KCNJ6: variants seen among roughly 807,000 people sequenced by gnomAD.
KCNJ6 encodes the protein potassium inwardly rectifying channel subfamily J member 6.
A neutral mutation model predicts 34.2 loss-of-function variants in KCNJ6; 9 were observed. The observed-to-expected ratio is 0.26, with a 90% CI of 0.16 to 0.46. The LOEUF (loss-of-function observed/expected upper bound fraction) is 0.46, where lower values mean the gene tolerates loss of function less well. KCNJ6 is among the 20% of genes least tolerant of loss of function. The pLI is 1.00. For missense variants in KCNJ6, 236 were observed against 531.3 expected (o/e 0.44, Z 5.46); for synonymous variants, 196 against 207.1 (o/e 0.95, Z 0.46).
intron 3 of KCNJ6, among the ~76,000 whole-genome samples, chr21:37,641,805 A>C (rs995257146): frequency 1.3e-5 from 2 of 152,234 alleles, no homozygotes; most frequent in Non-Finnish European, 2.9e-5. Context: ...TGGGGGAAAT[A>C]GAAAGCTGCT....
chr21:37,832,088 A>C (rs767718824), intron 2 of KCNJ6, among the ~76,000 whole-genome samples: 4 of 152,094 alleles, frequency 2.6e-5, no homozygotes, highest in Non-Finnish European at 5.9e-5. Context: ...TGCAGAGCTC[A>C]TTAGACAATA....
At chr21:37,698,443 C>T (rs1305933181) in intron 3 of KCNJ6, among the ~76,000 whole-genome samples, 3 of 152,172 alleles carry the variant, frequency 2.0e-5, no homozygotes, top group Non-Finnish European at 2.9e-5. Context: ...CCCTCCTCAT[C>T]GAAAATGTTT....
chr21:37,804,664 C>T (rs998538679), intron 2 of KCNJ6, among the ~76,000 whole-genome samples: 1 of 152,156 alleles, frequency 6.6e-6, no homozygotes, highest in Non-Finnish European at 1.5e-5. Context: ...TAAGTGAGAA[C>T]ATGCGGTATT....
chr21:37,884,844 G>A (rs1175233374), intron 1 of KCNJ6, among the ~76,000 whole-genome samples: 1 of 152,140 alleles, frequency 6.6e-6, no homozygotes, highest in African/African-American at 2.4e-5. Flanking sequence ...AATAATGTGC[G>A]TCTCACTTCT....
chr21:37,651,641 C>T (rs1489480348), intron 3 of KCNJ6, among the ~76,000 whole-genome samples: 2 of 152,184 alleles, frequency 1.3e-5, no homozygotes, highest in Non-Finnish European at 2.9e-5. Context: ...TACAAATTCC[C>T]TTGATGTCAT....
intron 3 of KCNJ6, among the ~76,000 whole-genome samples, chr21:37,696,271 A>C (rs1005841584): frequency 6.6e-6 from 1 of 152,228 alleles, no homozygotes; most frequent in African/African-American, 2.4e-5. Context: ...GGTGAAAACT[A>C]GTAATTTTAA....
intron 2 of KCNJ6, among the ~76,000 whole-genome samples, chr21:37,817,402 T>G (rs1052275996): frequency 4.6e-5 from 7 of 152,216 alleles, no homozygotes; most frequent in African/African-American, 1.4e-4. Flanking sequence ...AGGCCCCTGA[T>G]GCATACTAAG....
intron 3 of KCNJ6, among the ~76,000 whole-genome samples, chr21:37,703,843 A>G (rs1249489995): frequency 6.6e-6 from 1 of 152,234 alleles, no homozygotes; most frequent in Non-Finnish European, 1.5e-5. Flanking sequence ...CAGGGAACTC[A>G]AAGTACCCAC....
At position 37,624,335 on chromosome 21, in the gene KCNJ6, G is replaced by A. The variant is rs2123360420; in HGVS notation, c.*824C>T. On this transcript the variant is annotated 3_prime_UTR_variant, in exon 4 of 4. Coordinates refer to ENST00000609713, the MANE Select transcript of KCNJ6 (RefSeq NM_002240.5). ...AAAGGATCCGTGTGGGAACAGTGAG[G>A]TACCCTAACGTCTGCCAGTCTGAGA... 1 of 152,256 alleles carries A rather than the reference G, an allele frequency of 6.6e-6. No homozygotes were observed. The highest frequency in any genetic ancestry group is 1.9e-4 in the East Asian group (1 of 5,186). The allele number at this position is 152,256 out of a possible 1,614,324, so 9.4% of individuals were successfully genotyped here. A position where few individuals can be genotyped will look rare whatever the true frequency, so the allele number is the denominator to read the frequency against.
intron 3 of KCNJ6, among the ~76,000 whole-genome samples, chr21:37,648,305 C>T (rs1251672293): frequency 1.3e-5 from 2 of 152,182 alleles, no homozygotes; most frequent in African/African-American, 2.4e-5. Flanking sequence ...AGTAGCTGGG[C>T]CTTGTCACTC....
chr21:37,613,915 A>G lies in KCNJ6; in HGVS notation c.*11244T>C, dbSNP rs1467351769. 6.6e-6 allele frequency: 1 copy of G among 152,096 alleles called. No homozygotes were observed. The highest frequency in any genetic ancestry group is 1.5e-5 in the Non-Finnish European group (1 of 68,038). The allele number at this position is 152,096 out of a possible 1,614,324, so 9.4% of individuals were successfully genotyped here. ...AAACAATGGACTCTGGGGTGATAGT[A>G]ATGTCTCAGTGTAGACTCATCCATT... On this transcript the variant is annotated 3_prime_UTR_variant, in exon 4 of 4. Transcript: ENST00000609713.
At chr21:37,658,510 A>C (rs1488174724) in intron 3 of KCNJ6, among the ~76,000 whole-genome samples, 1 of 152,242 alleles carries the variant, frequency 6.6e-6, no homozygotes, top group Non-Finnish European at 1.5e-5. Context: ...TAGATTTAGA[A>C]AGCCCCGAAG....
chr21:37,686,946 A>G (rs1213693116), intron 3 of KCNJ6, among the ~76,000 whole-genome samples: 1 of 152,036 alleles, frequency 6.6e-6, no homozygotes, highest in Non-Finnish European at 1.5e-5. Context: ...CCCAGAGAGC[A>G]CTCTTCTTAA....
At chr21:37,788,688 T>A (rs568971057) in intron 2 of KCNJ6, among the ~76,000 whole-genome samples, 3 of 152,182 alleles carry the variant, frequency 2.0e-5, no homozygotes, top group Non-Finnish European at 4.4e-5. Context: ...GCCATGTGTA[T>A]AAGCCCAGGC....
intron 2 of KCNJ6, among the ~76,000 whole-genome samples, chr21:37,755,164 T>A (rs2055017659): frequency 6.6e-6 from 1 of 152,000 alleles, no homozygotes; most frequent in Non-Finnish European, 1.5e-5. Flanking sequence ...ATAAACAGAA[T>A]TTTCTAGCAC....
At chr21:37,819,467 A>T (rs1395798558) in intron 2 of KCNJ6, among the ~76,000 whole-genome samples, 1 of 152,214 alleles carries the variant, frequency 6.6e-6, no homozygotes, top group East Asian at 1.9e-4. Flanking sequence ...TTGAAATTCC[A>T]TCTGACAAAT....
At chr21:37,686,853 T>G (rs997327593) in intron 3 of KCNJ6, among the ~76,000 whole-genome samples, 2 of 151,602 alleles carry the variant, frequency 1.3e-5, no homozygotes, top group Non-Finnish European at 2.9e-5. Flanking sequence ...ATGCAGCAGG[T>G]GTCAGGATGT....
intron 3 of KCNJ6, among the ~76,000 whole-genome samples, chr21:37,654,050 C>T (rs2054446044): frequency 1.3e-5 from 2 of 151,584 alleles, no homozygotes; most frequent in Non-Finnish European, 2.9e-5. Context: ...TAAAGGCTGC[C>T]CTTGGGCAAC....
intron 3 of KCNJ6, among the ~76,000 whole-genome samples, chr21:37,660,500 C>T: frequency 6.6e-6 from 1 of 152,186 alleles, no homozygotes; most frequent in East Asian, 1.9e-4. Context: ...ACATGGGATG[C>T]TGATTTTCCT....
Sources: gnomAD v4.1 joint callset for allele counts (sites outside exome capture counted in the v4.1 genomes callset) on GRCh38, gnomAD v4.1.1 for gene constraint, MANE v1.5 for transcripts, NCBI Gene and HGNC (gene_info 2026-07-23, HGNC 2026-07-21) for gene names.